Variants in UBP1 observed in about 807,000 individuals in gnomAD.
The protein encoded by UBP1 is upstream-binding protein 1.
In UBP1, 22 loss-of-function variants were observed where a neutral mutation model predicts 76.1. That is an observed-to-expected ratio of 0.29 (90% CI 0.21 to 0.41). The LOEUF is 0.41. Ranked by LOEUF, UBP1 falls within the 10% of genes least tolerant of loss-of-function variation. UBP1 has a pLI of 1.00. For missense variants in UBP1, 436 were observed against 668.1 expected (o/e 0.65, Z 3.83); for synonymous variants, 224 against 237.1 (o/e 0.94, Z 0.51).
At position 33,389,027 on chromosome 3, in the gene UBP1, T is replaced by G. The variant is rs2043645807; in HGVS notation, c.*1304A>C. On this transcript the variant is annotated 3_prime_UTR_variant, in exon 16 of 16. Transcript: ENST00000283629. ...AAGTTAAAAAAAAAATTCAGTCCCC[T>G]ACACCACAGGCCTCAAACATGCTTG... 6.6e-6 allele frequency: 1 copy of G among 152,426 alleles called. No homozygotes were observed. The highest frequency in any genetic ancestry group is 1.5e-5 in the Non-Finnish European group (1 of 68,022). The allele number at this position is 152,426 out of a possible 1,614,324, so 9.4% of individuals were successfully genotyped here. A position where few individuals can be genotyped will look rare whatever the true frequency, so the allele number is the denominator to read the frequency against.
At chr3:33,431,389 A>G (rs569541662) in intron 1 of UBP1, among the ~76,000 whole-genome samples, 1 of 152,316 alleles carries the variant, frequency 6.6e-6, no homozygotes, top group South Asian at 2.1e-4. Flanking sequence ...AAACCAGAAT[A>G]AATAAGAAAT....
At chr3:33,403,526 G>GTCT (rs1371618263) in intron 8 of UBP1, 3 of 150,362 alleles carry the variant, frequency 2.0e-5, no homozygotes, top group African/African-American at 7.4e-5. Flanking sequence ...CTGTCTGTCT[G>GTCT]GTCTGTCTAT....
chr3:33,392,635 CG>C (rs2043813217), intron 14 of UBP1, 21 bp from the exon 15 acceptor site: 1 of 1,594,142 alleles, frequency 6.3e-7, no homozygotes, highest in Non-Finnish European at 8.5e-7. Flanking sequence ...AAAGTAAATG[CG>C]TAAGTACAAT....
intron 2 of UBP1, among the ~76,000 whole-genome samples, chr3:33,425,051 A>T (rs1254491457): frequency 1.3e-5 from 2 of 152,138 alleles, no homozygotes; most frequent in African/African-American, 4.8e-5. Flanking sequence ...TCTCAAAAAA[A>T]AAAAGGTAAA....
At chr3:33,432,749 C>T (rs957065068) in intron 1 of UBP1, among the ~76,000 whole-genome samples, 3 of 152,184 alleles carry the variant, frequency 2.0e-5, no homozygotes, top group Admixed American at 6.5e-5. Flanking sequence ...AAATGCAATA[C>T]AGAATCCTGG....
Position 33,397,236 on chromosome 3 carries a change from C to A in UBP1, c.1181-101G>T, listed in dbSNP as rs2044035929. ...GCAGTCCAATGTCCTTCAAAATAAT[C>A]AGATATCCTGAATACACACATACAC... is the stretch of plus-strand genomic sequence containing the variant. On this transcript the variant is annotated intron_variant, in intron 11 of 15. Transcript: ENST00000283629. 1.6e-5 allele frequency: 13 copies of A among 829,782 alleles called. No homozygotes were observed. In the South Asian group the frequency reaches 2.5e-4, roughly 16 times the overall value. The allele number at this position is 829,782 out of a possible 1,614,324, so 51.4% of individuals were successfully genotyped here. A position where few individuals can be genotyped will look rare whatever the true frequency, so the allele number is the denominator to read the frequency against.
rs1212128138 is a variant in UBP1, at chr3:33,389,685, C to T, written c.*646G>A. On this transcript the variant is annotated 3_prime_UTR_variant, in exon 16 of 16. Coordinates refer to ENST00000283629, the MANE Select transcript of UBP1 (RefSeq NM_014517.5). Reference sequence around the variant, plus strand: ...GTACCTATTAGGATTTACACTGATCCTCTCACCAAGGTACTCCTGATAATG... The same window carrying T: ...GTACCTATTAGGATTTACACTGATCTTCTCACCAAGGTACTCCTGATAATG... 1 of 152,520 alleles carries T rather than the reference C, an allele frequency of 6.6e-6. No individual in the cohort carries two copies. The highest frequency in any genetic ancestry group is 1.5e-5 in the Non-Finnish European group (1 of 68,058). 9.4% of individuals were successfully genotyped at this position (152,520 alleles called of 1,614,324 possible).
intron 8 of UBP1, among the ~76,000 whole-genome samples, chr3:33,407,009 T>C (rs993340314): frequency 1.3e-5 from 2 of 152,230 alleles, no homozygotes; most frequent in Non-Finnish European, 2.9e-5. Context: ...CAATTGTAAC[T>C]AGCCAAAAAC....
At position 33,389,197 on chromosome 3, in the gene UBP1, T is replaced by C. The variant is rs930910757; in HGVS notation, c.*1134A>G. ...ACTCTTATAGAGAAAGAAGCTAGTA[T>C]GTGGTGTATAAAAAGCCCCTAAATC... On this transcript the variant is annotated 3_prime_UTR_variant, in exon 16 of 16. Transcript: ENST00000283629. The C allele has an allele frequency of 2.6e-5, 4 of 152,644 alleles. No individual in the cohort carries two copies. Among genetic ancestry groups the C allele is most frequent in the Non-Finnish European group, 5.9e-5 (4 of 68,050 alleles). The allele number at this position is 152,644 out of a possible 1,614,324, so 9.5% of individuals were successfully genotyped here. A position where few individuals can be genotyped will look rare whatever the true frequency, so the allele number is the denominator to read the frequency against.
intron 1 of UBP1, among the ~76,000 whole-genome samples, chr3:33,434,065 T>C (rs895244936): frequency 7.2e-5 from 11 of 152,004 alleles, no homozygotes; most frequent in African/African-American, 2.7e-4. Flanking sequence ...TGATGAAACA[T>C]CAAGTTTAGG....
intron 1 of UBP1, among the ~76,000 whole-genome samples, chr3:33,437,397 A>G (rs1322789392): frequency 6.6e-6 from 1 of 152,208 alleles, no homozygotes; most frequent in African/African-American, 2.4e-5. Flanking sequence ...GTCTACAAGC[A>G]TACCAAACAT....
intron 5 of UBP1, among the ~76,000 whole-genome samples, chr3:33,410,848 G>GA (rs927602124): frequency 2.0e-5 from 3 of 152,198 alleles, no homozygotes; most frequent in Admixed American, 6.5e-5. Flanking sequence ...AAGGCAGGTA[G>GA]ATCACTTGAG....
At chr3:33,403,228 T>C (rs764064413) in intron 8 of UBP1, 25 of 252,410 alleles carry the variant, frequency 9.9e-5, no homozygotes, top group Admixed American at 6.4e-4. Flanking sequence ...GTATCCTCTT[T>C]ATCAGTTTCC....
At chr3:33,397,976 C>T (rs2044073590) in intron 11 of UBP1, 1 of 152,292 alleles carries the variant, frequency 6.6e-6, no homozygotes, top group South Asian at 2.1e-4. Context: ...GATATGGCAT[C>T]TAGGATTTGC....
chr3:33,403,742 G>C (rs1035632342), intron 8 of UBP1: 2 of 152,232 alleles, frequency 1.3e-5, no homozygotes, highest in African/African-American at 4.8e-5. Context: ...GAAAAAGTCA[G>C]TCAAAAGCAT....
At chr3:33,402,652 G>T in intron 9 of UBP1, 149 bp downstream of exon 9, 1 of 497,160 alleles carries the variant, frequency 2.0e-6, no homozygotes. Flanking sequence ...GACAATGATT[G>T]TCCTCTGCCA....
At chr3:33,411,536 T>G (rs2044582648) in intron 5 of UBP1, 45 bp downstream of exon 5, 2 of 1,539,962 alleles carry the variant, frequency 1.3e-6, no homozygotes, top group Non-Finnish European at 1.8e-6. Flanking sequence ...TACCATGACC[T>G]AAATAACTAG....
chr3:33,417,410 T>C (rs1264116398), intron 2 of UBP1, among the ~76,000 whole-genome samples: 4 of 152,160 alleles, frequency 2.6e-5, no homozygotes. Flanking sequence ...GTGCCTTGCT[T>C]TTTAAACTTA....
At chr3:33,407,811 G>C (rs2044467615) in intron 8 of UBP1, among the ~76,000 whole-genome samples, 1 of 152,220 alleles carries the variant, frequency 6.6e-6, no homozygotes, top group Non-Finnish European at 1.5e-5. Context: ...GAATACAGCA[G>C]TCACGAATAC....
Sources: allele counts gnomAD v4.1 joint callset (sites outside exome capture counted in the v4.1 genomes callset), GRCh38; gene constraint gnomAD v4.1.1; transcripts MANE v1.5; gene names NCBI Gene and HGNC (gene_info 2026-07-23, HGNC 2026-07-21).